Variants in DMXL1 observed in about 807,000 individuals in gnomAD.
The protein encoded by DMXL1 is dmX-like protein 1.
In DMXL1, 99 loss-of-function variants were observed where a neutral mutation model predicts 319.2. The observed-to-expected ratio is 0.31, with a 90% confidence interval of 0.26 to 0.37. The LOEUF is 0.37. Among genes scored for constraint, DMXL1 ranks in the 10% least tolerant of loss-of-function variants. The probability of loss-of-function intolerance (pLI) is 1.00; values close to 1 mark genes in which losing one functional copy is unlikely to be tolerated. For missense variants in DMXL1, 3,745 were observed against 3,595.6 expected (o/e 1.04, Z -1.06); for synonymous variants, 1,385 against 1,235.2 (o/e 1.12, Z -2.54).
intron 37 of DMXL1, among the ~76,000 whole-genome samples, chr5:119,222,937 C>T (rs966802534): frequency 6.6e-6 from 1 of 152,018 alleles, no homozygotes; most frequent in African/African-American, 2.4e-5. Context: ...CCCACATTTC[C>T]CTGGCTTCCC....
chr5:119,071,601 T>C lies in DMXL1; in HGVS notation c.32T>C (p.Val11Ala), dbSNP rs781715319. The change falls in exon 1 of 44, where the codon GTG becomes GCG. Residue 11 changes from valine (V) to alanine (A), a missense_variant. Val to Ala is a moderately conservative substitution (Grantham distance 64, BLOSUM62 0). This residue lies in a region of DMXL1 where 2,096 missense variants were observed against 1,985.4 expected (regional missense o/e 1.06). Transcript: ENST00000539542. Reference sequence around the variant, plus strand: ...CTGCACCAGGTGCTGACCGGGGCTGTGAACCCTGGCGACCACTGCTTCTCC... The same window carrying C: ...CTGCACCAGGTGCTGACCGGGGCTGCGAACCCTGGCGACCACTGCTTCTCC... MNLHQVLTGAVNPGDHCFSVG... is the reference protein window; with the variant it reads MNLHQVLTGAANPGDHCFSVG... 6.2e-7 allele frequency: 1 copy of C among 1,605,406 alleles called. No individual in the cohort carries two copies. The highest frequency in any genetic ancestry group is 8.5e-7 in the Non-Finnish European group (1 of 1,176,438).
intron 19 of DMXL1, among the ~76,000 whole-genome samples, chr5:119,163,114 ATATCT>A (rs561786249): frequency 3.9e-5 from 6 of 152,252 alleles, no homozygotes; most frequent in Non-Finnish European, 7.4e-5. Flanking sequence ...AAATATACAA[ATATCT>A]TATTAATATG....
intron 38 of DMXL1, among the ~76,000 whole-genome samples, chr5:119,225,187 T>G (rs535837416): frequency 6.6e-6 from 1 of 152,148 alleles, no homozygotes; most frequent in East Asian, 1.9e-4. Context: ...CCTCAATTAT[T>G]TATTACCTCA....
At chr5:119,240,124 T>C (rs1289326563) in intron 41 of DMXL1, among the ~76,000 whole-genome samples, 1 of 151,986 alleles carries the variant, frequency 6.6e-6, no homozygotes, top group East Asian at 1.9e-4. Flanking sequence ...ATTTAAAAAA[T>C]TAGCCAGACA....
At chr5:119,136,652 G>A (rs1053754072) in intron 13 of DMXL1, among the ~76,000 whole-genome samples, 2 of 152,258 alleles carry the variant, frequency 1.3e-5, no homozygotes, top group African/African-American at 4.8e-5. Context: ...CTGCCTCCCA[G>A]CTGCTCTAGC....
At chr5:119,123,445 G>GGAGGGA (rs1443856761) in intron 9 of DMXL1, among the ~76,000 whole-genome samples, 20 of 143,624 alleles carry the variant, frequency 1.4e-4, no homozygotes, top group African/African-American at 2.6e-4. Context: ...GAGAGGGAGA[G>GGAGGGA]GAGGGAGAGG....
Position 119,144,574 on chromosome 5 carries a change from A to G in DMXL1, c.2505A>G (p.Glu835=). The change falls in exon 15 of 44, where the codon GAA becomes GAG. Residue 835 remains glutamate (E), a synonymous_variant. Transcript: ENST00000539542. The part of the protein sequence containing the change: ...RKTQLLHVFE[E]DFILNNLEKK... ...CCCAACTGCTTCATGTTTTTGAAGA[A>G]GACTTCATTTTGAATAACCTTGAGA... The G allele has an allele frequency of 6.2e-7, 1 of 1,602,120 alleles. No individual in the cohort carries two copies. Among genetic ancestry groups the G allele is most frequent in the South Asian group, 1.1e-5 (1 of 88,266 alleles).
chr5:119,154,913 C>T (rs541402571), intron 19 of DMXL1, among the ~76,000 whole-genome samples: 3 of 152,332 alleles, frequency 2.0e-5, no homozygotes, highest in African/African-American at 7.2e-5. Context: ...ATTTACCATT[C>T]TGAAAATCCT....
chr5:119,085,062 C>T (rs1332357586), intron 1 of DMXL1, among the ~76,000 whole-genome samples: 2 of 152,000 alleles, frequency 1.3e-5, no homozygotes, highest in Non-Finnish European at 2.9e-5. Flanking sequence ...GTCACAGGGG[C>T]TCACTCCTGT....
Position 119,133,366 on chromosome 5 carries a change from G to A in DMXL1, c.1550G>A (p.Gly517Asp), listed in dbSNP as rs199785344. Residue 517 changes from glycine to aspartate, a missense_variant, in exon 11 of 44, where the codon GGT becomes GAT. Around this residue, in one of 4 missense-constraint regions of DMXL1, gnomAD observed 2,096 missense variants for 1,985.4 expected, o/e 1.06. Coordinates refer to ENST00000539542, the MANE Select transcript of DMXL1 (RefSeq NM_001290321.3). ...GATTGGCTGGATGAATACCAGCCTG[G>A]TATGTTTCGTCAAGTACAGGTACTA... ...HVDWLDEYQPGMFRQVQVSFV... is the reference protein window; with the variant it reads ...HVDWLDEYQPDMFRQVQVSFV... The A allele has an allele frequency of 5.1e-5, 83 of 1,612,446 alleles. No individual in the cohort carries two copies. The Admixed American group carries it at 1.2e-3, about 24-fold the overall frequency.
intron 3 of DMXL1, among the ~76,000 whole-genome samples, chr5:119,103,840 T>C (rs1757781888): frequency 6.6e-6 from 1 of 152,196 alleles, no homozygotes; most frequent in African/African-American, 2.4e-5. Context: ...AATGCCTTTA[T>C]TGGGAAGGAT....
intron 9 of DMXL1, chr5:119,127,124 A>G (rs959672423): frequency 3.7e-5 from 6 of 160,846 alleles, no homozygotes; most frequent in African/African-American, 9.7e-5. Flanking sequence ...GTCAGGTGCC[A>G]TTTTTCTGCT....
chr5:119,116,244 C>T lies in DMXL1; in HGVS notation c.651C>T (p.Ser217=), dbSNP rs79398204. 3,160 of 1,613,934 alleles carry T rather than the reference C, an allele frequency of 2.0e-3. 65 individuals carry two copies. In the African/African-American group the frequency reaches 0.038, roughly 19 times the overall value. Residue 217 remains serine (S), a synonymous_variant, in exon 7 of 44, where the codon TCC becomes TCT. Transcript: ENST00000539542. The part of the protein sequence containing the change: ...TSPDGSSEKQ[S]QGEIDFSFVY... ...CAGATGGAAGTTCAGAAAAACAATC[C>T]CAAGGAGAAATTGACTTTTCTTTTG...
chr5:119,071,883 A>C (rs543820316), intron 1 of DMXL1, among the ~76,000 whole-genome samples: 2 of 152,212 alleles, frequency 1.3e-5, no homozygotes, highest in South Asian at 4.2e-4. Context: ...ATTTTGTAGG[A>C]TTTTTAAAGT....
chr5:119,239,218 G>A, intron 41 of DMXL1, 138 bp downstream of exon 41: 1 of 961,208 alleles, frequency 1.0e-6, no homozygotes, highest in East Asian at 2.7e-5. Flanking sequence ...TTATTTATTG[G>A]CCATGTTATT....
rs140764679 is a variant in DMXL1 at position 119,153,017 on chromosome 5, C to T, written c.4702+981C>T. ...TTTGAGATAGAGTCTTGCTCTGTCA[C>T]CCAGGCTGGAGTACAGTGGTGTGAT... is the stretch of plus-strand genomic sequence containing the variant. On this transcript the variant is annotated intron_variant, in intron 19 of 43. Transcript: ENST00000539542. Among the ~76,000 whole-genome samples the T allele has an allele frequency of 1.0e-3, 152 of 151,698 alleles. 1 individual carries two copies. The highest frequency in any genetic ancestry group is 3.6e-3 in the African/African-American group (148 of 41,352).
chr5:119,150,421 G>C lies in DMXL1; in HGVS notation c.4594G>C (p.Gly1532Arg). ...TGGAGAAAGCCGAGACAGAAGCCAA[G>C]GTAAAACTAAACTCCGTACTGATAA... is the stretch of plus-strand genomic sequence containing the variant. ...DIGESRDRSQ[G>R]GETLDECGLK... is the part of the protein sequence containing the mutation. The change falls in exon 18 of 44, where the codon GGT becomes CGT. Residue 1532 changes from glycine to arginine, a missense_variant and splice_region_variant. By Grantham distance (125) the Gly-to-Arg change is moderately radical. Coordinates refer to ENST00000539542, the MANE Select transcript of DMXL1 (RefSeq NM_001290321.3). 6.2e-7 allele frequency: 1 copy of C among 1,607,286 alleles called. No homozygotes were observed. The highest frequency in any genetic ancestry group is 8.5e-7 in the Non-Finnish European group (1 of 1,177,444).
intron 42 of DMXL1, among the ~76,000 whole-genome samples, chr5:119,243,829 C>G (rs771732486): frequency 4.6e-5 from 7 of 152,060 alleles, no homozygotes; most frequent in Non-Finnish European, 7.4e-5. Context: ...GTTATATTTT[C>G]TGCTTTATCA....
chr5:119,158,707 T>A (rs898655314), intron 19 of DMXL1, among the ~76,000 whole-genome samples: 1 of 152,246 alleles, frequency 6.6e-6, no homozygotes, highest in African/African-American at 2.4e-5. Context: ...TGTCGAATTT[T>A]ATCAGATGCT....
Sources: gnomAD v4.1 joint callset for allele counts (sites outside exome capture counted in the v4.1 genomes callset) on GRCh38, gnomAD v4.1.1 for gene constraint, gnomAD v4.1.1 regional missense constraint, MANE v1.5 for transcripts, NCBI Gene and HGNC (gene_info 2026-07-23, HGNC 2026-07-21) for gene names.